The following TNR variants were observed in gnomAD, a reference collection of about 807,000 sequenced individuals.
TNR encodes the protein tenascin-R.
In TNR, 45 loss-of-function variants were observed where a neutral mutation model predicts 150.4. That is an observed-to-expected ratio of 0.30 (90% CI 0.24 to 0.38). The LOEUF is 0.38. TNR is among the 10% of genes least tolerant of loss of function. The pLI is 1.00. For missense variants in TNR, 1,544 were observed against 1,759.1 expected (o/e 0.88, Z 2.19); for synonymous variants, 687 against 678.4 (o/e 1.01, Z -0.20).
intron 2 of TNR, among the ~76,000 whole-genome samples, chr1:175,507,565 A>C (rs1659010978): frequency 6.8e-6 from 1 of 146,694 alleles, no homozygotes; most frequent in African/African-American, 2.5e-5. Flanking sequence ...CTGTCCCCCT[A>C]CCTGACACAT....
chr1:175,320,103 C>T lies in TNR; in HGVS notation c.*3254G>A, dbSNP rs1648959187. The T allele has an allele frequency of 6.6e-6, 1 of 152,304 alleles. No homozygotes were observed. Among genetic ancestry groups the T allele is most frequent in the Non-Finnish European group, 1.5e-5 (1 of 68,074 alleles). The allele number at this position is 152,304 out of a possible 1,614,324, so 9.4% of individuals were successfully genotyped here. Reference sequence around the variant, plus strand: ...GGTATTAGTACATATCCTGATGTGTCTGTAGTTAAACAGCCTCTGAGAAGG... The same window carrying T: ...GGTATTAGTACATATCCTGATGTGTTTGTAGTTAAACAGCCTCTGAGAAGG... On this transcript the variant is annotated 3_prime_UTR_variant, in exon 23 of 23. Transcript: ENST00000367674.
At chr1:175,618,756 T>A (rs890684445) in intron 1 of TNR, among the ~76,000 whole-genome samples, 1 of 152,148 alleles carries the variant, frequency 6.6e-6, no homozygotes, top group Non-Finnish European at 1.5e-5. Context: ...CCACATCCTG[T>A]TTGTCACCTC....
intron 20 of TNR, among the ~76,000 whole-genome samples, chr1:175,332,701 GT>G (rs1327361681): frequency 3.3e-5 from 5 of 152,092 alleles, no homozygotes; most frequent in Admixed American, 3.3e-4. Flanking sequence ...TAAGTTTGCA[GT>G]TGTCAGGAGA....
At chr1:175,354,262 G>A (rs1465441973) in intron 18 of TNR, 129 bp downstream of exon 18, 2 of 1,267,034 alleles carry the variant, frequency 1.6e-6, no homozygotes, top group Non-Finnish European at 2.1e-6. Context: ...CTTGGACAGG[G>A]GAAAAGAAGG....
intron 1 of TNR, among the ~76,000 whole-genome samples, chr1:175,587,179 G>A (rs1662608088): frequency 6.6e-6 from 1 of 152,180 alleles, no homozygotes; most frequent in Non-Finnish European, 1.5e-5. Context: ...CAGCTTGGCA[G>A]ATTACCCCAA....
intron 2 of TNR, among the ~76,000 whole-genome samples, chr1:175,491,849 C>G (rs1658272042): frequency 6.6e-6 from 1 of 152,024 alleles, no homozygotes; most frequent in Non-Finnish European, 1.5e-5. Context: ...CGGGGTTTCA[C>G]TGTGTTAGCC....
intron 2 of TNR, among the ~76,000 whole-genome samples, chr1:175,463,815 C>T (rs1388822479): frequency 2.0e-5 from 3 of 152,184 alleles, no homozygotes; most frequent in African/African-American, 4.8e-5. Context: ...ACAGTTCAAC[C>T]AAACTGGGAT....
chr1:175,691,310 A>G (rs900870910), intron 1 of TNR, among the ~76,000 whole-genome samples: 2 of 152,172 alleles, frequency 1.3e-5, no homozygotes, highest in African/African-American at 4.8e-5. Flanking sequence ...AATGATGATG[A>G]TAATTATAAG....
At chr1:175,458,875 C>T (rs985430758) in intron 2 of TNR, among the ~76,000 whole-genome samples, 1 of 152,226 alleles carries the variant, frequency 6.6e-6, no homozygotes, top group African/African-American at 2.4e-5. Context: ...TTATGATCAT[C>T]ACCATGTCCA....
At chr1:175,569,694 C>T (rs1047006712) in intron 1 of TNR, among the ~76,000 whole-genome samples, 1 of 152,218 alleles carries the variant, frequency 6.6e-6, no homozygotes, top group Non-Finnish European at 1.5e-5. Context: ...CATTTATTCA[C>T]TCATTCAACA....
At position 175,382,290 on chromosome 1, in the gene TNR, T is replaced by C. The variant is rs760740075; in HGVS notation, c.1778-2553A>G. On this transcript the variant is annotated intron_variant, in intron 8 of 22. Transcript: ENST00000367674. ...TGTTCGATAAGCACACATCAAGTTG[T>C]AGAAAAGTCTTGTTAAATATTTCAG... 6.2e-4 allele frequency among the ~76,000 whole-genome samples: 94 copies of C among 152,202 alleles called. 1 individual carries two copies. The highest frequency in any genetic ancestry group is 2.5e-4 in the Non-Finnish European group (17 of 68,026).
chr1:175,470,382 G>GA (rs1460902231), intron 2 of TNR, among the ~76,000 whole-genome samples: 1 of 152,158 alleles, frequency 6.6e-6, no homozygotes, highest in Non-Finnish European at 1.5e-5. Context: ...GATGATGAGG[G>GA]AGAGGTCGAA....
At position 175,641,919 on chromosome 1, in the gene TNR, A is replaced by C. The variant is rs528301259; in HGVS notation, c.-165+101307T>G. ...ATGCCAATGTACTTCGGTTCAGTTTAAAAGACATTTATTTGGAATCTAATA... is the reference window on the plus strand; with the variant it reads ...ATGCCAATGTACTTCGGTTCAGTTTCAAAGACATTTATTTGGAATCTAATA... On this transcript the variant is annotated intron_variant, in intron 1 of 22. Coordinates refer to ENST00000367674, the MANE Select transcript of TNR (RefSeq NM_003285.3). Among the ~76,000 whole-genome samples, 3 of 152,346 alleles carry C rather than the reference A, an allele frequency of 2.0e-5. No homozygotes were observed. In the South Asian group the frequency reaches 6.2e-4, roughly 32 times the overall value.
chr1:175,382,867 C>T (rs1303977153), intron 8 of TNR, among the ~76,000 whole-genome samples: 1 of 150,802 alleles, frequency 6.6e-6, no homozygotes, highest in Non-Finnish European at 1.5e-5. Flanking sequence ...TGCCACTGCA[C>T]TCCAGACTGG....
chr1:175,537,279 G>T (rs760173412), intron 1 of TNR, among the ~76,000 whole-genome samples: 1 of 152,180 alleles, frequency 6.6e-6, no homozygotes, highest in East Asian at 1.9e-4. Context: ...GAAAGAGAAA[G>T]CTTCAGAATG....
At chr1:175,721,431 A>G (rs1558090686) in intron 1 of TNR, among the ~76,000 whole-genome samples, 1 of 152,102 alleles carries the variant, frequency 6.6e-6, no homozygotes. Flanking sequence ...CTATGCTCTT[A>G]GTGGGGCAGT....
At chr1:175,609,802 A>G (rs1226097866) in intron 1 of TNR, among the ~76,000 whole-genome samples, 3 of 152,258 alleles carry the variant, frequency 2.0e-5, no homozygotes, top group Non-Finnish European at 4.4e-5. Flanking sequence ...TAGTCAAACT[A>G]CATAGGAAGC....
At chr1:175,447,905 G>A (rs998938029) in intron 2 of TNR, among the ~76,000 whole-genome samples, 2 of 152,284 alleles carry the variant, frequency 1.3e-5, no homozygotes, top group Admixed American at 1.3e-4. Flanking sequence ...GATTTAATGC[G>A]ATAATCCGTG....
At chr1:175,434,740 C>T (rs1438668530) in intron 2 of TNR, among the ~76,000 whole-genome samples, 1 of 152,124 alleles carries the variant, frequency 6.6e-6, no homozygotes, top group Non-Finnish European at 1.5e-5. Flanking sequence ...CAGTTCCTAC[C>T]GTGTTTTGGT....
Sources: gnomAD v4.1 joint callset for allele counts (sites outside exome capture counted in the v4.1 genomes callset) on GRCh38, gnomAD v4.1.1 for gene constraint, MANE v1.5 for transcripts, NCBI Gene and HGNC (gene_info 2026-07-23, HGNC 2026-07-21) for gene names.